The following FRMPD2 variants were observed in gnomAD, a reference collection of about 807,000 sequenced individuals.
FRMPD2 encodes FERM and PDZ domain containing 2, also known as FERM and PDZ domain-containing protein 2.
A neutral mutation model predicts 140.1 loss-of-function variants in FRMPD2; 96 were observed. The observed-to-expected ratio is 0.69, with a 90% CI of 0.58 to 0.81. FRMPD2 has a LOEUF of 0.81. Ranked by LOEUF, FRMPD2 falls within the 40% of genes least tolerant of loss-of-function variation. The pLI is 0.00. For synonymous variants in FRMPD2, 449 were observed against 547.6 expected (o/e 0.82, Z 2.52); for missense variants, 1,240 against 1,447.4 (o/e 0.86, Z 2.32).
Position 48,206,848 on chromosome 10 carries a change from C to T in FRMPD2, c.1697G>A (p.Gly566Glu). ...KRRPEEEMALGICAKGVIVYE... is the reference protein window; with the variant it reads ...KRRPEEEMALEICAKGVIVYE... ...GACTATGACACCCTTGGCACAGATCCCCAGGGCCATCTCCTCTTCTGGCCT... is the reference window on the plus strand; with the variant it reads ...GACTATGACACCCTTGGCACAGATCTCCAGGGCCATCTCCTCTTCTGGCCT... Residue 566 changes from glycine to glutamate, a missense_variant, in exon 14 of 29, where the codon GGG becomes GAG. Physicochemically the swap from Gly to Glu is moderately conservative, Grantham distance 98. This residue lies in a region of FRMPD2 where 1,161 missense variants were observed against 1,055.9 expected (regional missense o/e 1.10). Coordinates refer to ENST00000374201, the MANE Select transcript of FRMPD2 (RefSeq NM_001018071.4). 6.2e-7 allele frequency: 1 copy of T among 1,614,030 alleles called. No homozygotes were observed. The highest frequency in any genetic ancestry group is 8.5e-7 in the Non-Finnish European group (1 of 1,179,904).
chr10:48,240,996 C>T (rs1840092224), intron 5 of FRMPD2, among the ~76,000 whole-genome samples: 1 of 152,236 alleles, frequency 6.6e-6, no homozygotes, highest in Non-Finnish European at 1.5e-5. Flanking sequence ...CTGACATCTA[C>T]CTTGCAGATC....
chr10:48,220,882 C>T (rs1190431924), intron 12 of FRMPD2, among the ~76,000 whole-genome samples: 2 of 152,180 alleles, frequency 1.3e-5, no homozygotes, highest in Non-Finnish European at 2.9e-5. Context: ...ATCAAAACCA[C>T]AATGTGGTAC....
At chr10:48,164,246 C>T (rs1210811413) in intron 27 of FRMPD2, among the ~76,000 whole-genome samples, 1 of 151,174 alleles carries the variant, frequency 6.6e-6, no homozygotes, top group African/African-American at 2.5e-5. Flanking sequence ...TTTTTATCTA[C>T]AGCAGAACCT....
intron 26 of FRMPD2, among the ~76,000 whole-genome samples, chr10:48,170,254 G>A (rs1838204523): frequency 6.6e-6 from 1 of 151,120 alleles, no homozygotes; most frequent in Non-Finnish European, 1.5e-5. Flanking sequence ...GAGACAGGGA[G>A]GAGCGGAGGT....
At chr10:48,174,127 C>T (rs572773445) in intron 24 of FRMPD2, among the ~76,000 whole-genome samples, 10 of 152,130 alleles carry the variant, frequency 6.6e-5, no homozygotes, top group Non-Finnish European at 1.0e-4. Flanking sequence ...GGAAAGAAAG[C>T]GAAAAGTGGC....
At chr10:48,259,123 G>C (rs1840536825) in intron 1 of FRMPD2, among the ~76,000 whole-genome samples, 1 of 152,052 alleles carries the variant, frequency 6.6e-6, no homozygotes, top group Admixed American at 6.6e-5. Flanking sequence ...AAGGCTTCAG[G>C]GCCAGTTACA....
At chr10:48,239,753 A>G in intron 6 of FRMPD2, 61 bp from the exon 7 acceptor site, 1 of 1,253,476 alleles carries the variant, frequency 8.0e-7, no homozygotes, top group Admixed American at 1.7e-5. Context: ...TTCTTAAATC[A>G]GGCATCTCAG....
chr10:48,205,231 T>A (rs1286066499), intron 14 of FRMPD2, among the ~76,000 whole-genome samples: 2 of 152,254 alleles, frequency 1.3e-5, no homozygotes, highest in Non-Finnish European at 2.9e-5. Context: ...AAGAGGATGA[T>A]CATCAGAGAA....
chr10:48,224,472 G>A (rs1286433718), intron 10 of FRMPD2, among the ~76,000 whole-genome samples: 2 of 152,160 alleles, frequency 1.3e-5, no homozygotes, highest in African/African-American at 4.8e-5. Flanking sequence ...GGGGTGTCCA[G>A]GATTTAAACA....
chr10:48,208,134 G>A (rs1275015225), intron 13 of FRMPD2, among the ~76,000 whole-genome samples: 4 of 152,098 alleles, frequency 2.6e-5, no homozygotes, highest in Non-Finnish European at 5.9e-5. Flanking sequence ...GAAATATCCA[G>A]TGGCCAGCCT....
chr10:48,238,691 C>T (rs1303146429), intron 7 of FRMPD2, among the ~76,000 whole-genome samples: 1 of 152,184 alleles, frequency 6.6e-6, no homozygotes, highest in African/African-American at 2.4e-5. Flanking sequence ...AAATAAATCA[C>T]CCAAACTTCA....
chr10:48,273,615 G>A (rs1020216759), intron 1 of FRMPD2, among the ~76,000 whole-genome samples: 8 of 152,052 alleles, frequency 5.3e-5, no homozygotes, highest in African/African-American at 9.7e-5. Context: ...CCAGGAGCCC[G>A]TGCCACCTCC....
At chr10:48,163,822 C>T (rs1838020429) in intron 27 of FRMPD2, 151 bp from the exon 28 acceptor site, 1 of 702,748 alleles carries the variant, frequency 1.4e-6, no homozygotes, top group Non-Finnish European at 2.5e-6. Context: ...CCAGCTCCTC[C>T]ACATGCTCCC....
At chr10:48,248,775 T>C (rs1374427772) in intron 3 of FRMPD2, 4 of 337,216 alleles carry the variant, frequency 1.2e-5, no homozygotes, top group Admixed American at 4.6e-5. Context: ...ACCTGATCAA[T>C]TAAGCCACAT....
chr10:48,185,879 C>T (rs1230769603), intron 17 of FRMPD2, among the ~76,000 whole-genome samples: 1 of 152,194 alleles, frequency 6.6e-6, no homozygotes, highest in East Asian at 1.9e-4. Flanking sequence ...CAAGTTCCAG[C>T]TTAAAGAGCA....
chr10:48,223,017 T>C (rs1401410811), intron 11 of FRMPD2, 106 bp downstream of exon 11: 4 of 982,384 alleles, frequency 4.1e-6, no homozygotes, highest in African/African-American at 3.2e-5. Context: ...TTGTTATTTG[T>C]ATGTAATTTA....
At chr10:48,201,639 G>A (rs2131863700) in intron 14 of FRMPD2, 1 of 314,784 alleles carries the variant, frequency 3.2e-6, no homozygotes. Flanking sequence ...TGCTGGGTGA[G>A]AAGAATATGA....
intron 15 of FRMPD2, among the ~76,000 whole-genome samples, chr10:48,197,843 G>T (rs1242248149): frequency 6.6e-6 from 1 of 152,190 alleles, no homozygotes; most frequent in Non-Finnish European, 1.5e-5. Flanking sequence ...AACAGCCACA[G>T]GTTCAAACCT....
chr10:48,193,903 C>T (rs895387320), intron 15 of FRMPD2, among the ~76,000 whole-genome samples: 3 of 152,160 alleles, frequency 2.0e-5, no homozygotes, highest in African/African-American at 7.2e-5. Context: ...ACTGAAAAAG[C>T]CAGCCTTTTA....
Sources: gnomAD v4.1 joint callset for allele counts (sites outside exome capture counted in the v4.1 genomes callset) on GRCh38, gnomAD v4.1.1 for gene constraint, gnomAD v4.1.1 regional missense constraint, MANE v1.5 for transcripts, NCBI Gene and HGNC (gene_info 2026-07-23, HGNC 2026-07-21) for gene names.